The following NTM variants were observed in gnomAD, a reference collection of about 807,000 sequenced individuals.
NTM encodes neurotrimin.
Under a neutral mutation model 42.1 loss-of-function variants are expected in NTM, and 13 were observed. The observed-to-expected ratio is 0.31, with a 90% CI of 0.20 to 0.49. The LOEUF (loss-of-function observed/expected upper bound fraction) is 0.49, where lower values mean the gene tolerates loss of function less well. Ranked by LOEUF, NTM falls within the 20% of genes least tolerant of loss-of-function variation. The pLI is 0.99. For synonymous variants in NTM, 187 were observed against 179.2 expected, an observed-to-expected ratio of 1.04 and a Z score of -0.35; for missense variants, 373 against 452.8, an observed-to-expected ratio of 0.82 and a Z score of 1.60.
At chr11:132,271,493 A>G (rs894431864) in intron 4 of NTM, among the ~76,000 whole-genome samples, 23 of 152,294 alleles carry the variant, frequency 1.5e-4, no homozygotes, top group African/African-American at 5.3e-4. Flanking sequence ...AAGTTGCTGT[A>G]CCATTGTACA....
At chr11:131,763,968 G>A (rs1038996527) in intron 1 of NTM, among the ~76,000 whole-genome samples, 2 of 151,644 alleles carry the variant, frequency 1.3e-5, no homozygotes, top group African/African-American at 4.8e-5. Context: ...ATTCTGCAAC[G>A]ATTATTTCTA....
intron 1 of NTM, among the ~76,000 whole-genome samples, chr11:131,640,839 C>A (rs550905230): frequency 1.3e-5 from 2 of 152,192 alleles, no homozygotes; most frequent in African/African-American, 2.4e-5. Flanking sequence ...CTGTATCTGG[C>A]GCACAGTGTC....
intron 1 of NTM, among the ~76,000 whole-genome samples, chr11:131,533,009 T>C (rs531286392): frequency 6.6e-6 from 1 of 152,348 alleles, no homozygotes; most frequent in African/African-American, 2.4e-5. Flanking sequence ...GGTGCAGGCT[T>C]ATTTTTGTTT....
At chr11:131,654,040 T>C (rs1046675697) in intron 1 of NTM, among the ~76,000 whole-genome samples, 1 of 152,176 alleles carries the variant, frequency 6.6e-6, no homozygotes, top group Non-Finnish European at 1.5e-5. Context: ...AGTTCATTCA[T>C]TGATTAATTC....
At chr11:131,804,390 C>A (rs995867936) in intron 1 of NTM, among the ~76,000 whole-genome samples, 1 of 152,102 alleles carries the variant, frequency 6.6e-6, no homozygotes, top group Non-Finnish European at 1.5e-5. Context: ...GTTTCCTGTG[C>A]CTACTCTGGT....
At chr11:132,262,614 G>C (rs1484829609) in intron 4 of NTM, among the ~76,000 whole-genome samples, 1 of 151,932 alleles carries the variant, frequency 6.6e-6, no homozygotes, top group Non-Finnish European at 1.5e-5. Context: ...TTCCATTCAC[G>C]AGGACTCCAC....
chr11:131,881,021 T>C (rs769344306), intron 1 of NTM, among the ~76,000 whole-genome samples: 3 of 152,196 alleles, frequency 2.0e-5, no homozygotes, highest in Non-Finnish European at 4.4e-5. Flanking sequence ...TTTCTGAATG[T>C]GTGTCTTCAT....
chr11:131,588,506 A>G (rs753462492), intron 1 of NTM, among the ~76,000 whole-genome samples: 24 of 152,360 alleles, frequency 1.6e-4, no homozygotes, highest in Non-Finnish European at 2.9e-4. Context: ...GGGGATATTT[A>G]CCTTTTGCTA....
At chr11:131,923,978 G>T (rs1237128835) in intron 2 of NTM, among the ~76,000 whole-genome samples, 1 of 152,204 alleles carries the variant, frequency 6.6e-6, no homozygotes, top group Non-Finnish European at 1.5e-5. Flanking sequence ...CCAGTGTGAA[G>T]CGTGAAGTAC....
chr11:131,594,564 T>TAA lies in NTM; in HGVS notation c.82+223688_82+223689dup, dbSNP rs11411337. ...TGCAGACCACCGCGCCCAGCTAAAT[T>TAA]AAAAAAAAAAAAATTCTTGAGATGG... On this transcript the variant is annotated intron_variant, in intron 1 of 8. Coordinates refer to ENST00000683400, the MANE Select transcript of NTM (RefSeq NM_001352005.2). Among the ~76,000 whole-genome samples the TAA allele has an allele frequency of 2.5e-3, 365 of 147,898 alleles. 3 individuals carry two copies. Among genetic ancestry groups the TAA allele is most frequent in the Middle Eastern group, 0.01 (3 of 288 alleles).
At chr11:131,906,972 C>G (rs976170582) in intron 1 of NTM, among the ~76,000 whole-genome samples, 1 of 152,188 alleles carries the variant, frequency 6.6e-6, no homozygotes, top group Non-Finnish European at 1.5e-5. Context: ...GTTCCCAGCC[C>G]TTCCCTACTG....
At chr11:131,948,608 C>T (rs370074345) in intron 2 of NTM, among the ~76,000 whole-genome samples, 11 of 152,102 alleles carry the variant, frequency 7.2e-5, no homozygotes, top group Admixed American at 7.2e-4. Flanking sequence ...GCCCTTTAGC[C>T]ACAGGGCTTT....
intron 4 of NTM, among the ~76,000 whole-genome samples, chr11:132,234,564 A>G (rs1039734846): frequency 2.0e-5 from 3 of 152,202 alleles, no homozygotes; most frequent in African/African-American, 7.2e-5. Flanking sequence ...TCAATTTACT[A>G]CATTTCTTTT....
At chr11:131,497,290 GC>G (rs1955449962) in intron 1 of NTM, among the ~76,000 whole-genome samples, 1 of 152,142 alleles carries the variant, frequency 6.6e-6, no homozygotes, top group Non-Finnish European at 1.5e-5. Flanking sequence ...CCAGGTTCAA[GC>G]AATTCTCCTG....
At chr11:131,909,415 G>A (rs372213183) in intron 1 of NTM, among the ~76,000 whole-genome samples, 2 of 152,186 alleles carry the variant, frequency 1.3e-5, no homozygotes, top group Admixed American at 6.5e-5. Flanking sequence ...CTTTGATACC[G>A]GATGGCTTTT....
At chr11:132,041,074 T>C (rs978226567) in intron 2 of NTM, among the ~76,000 whole-genome samples, 2 of 152,356 alleles carry the variant, frequency 1.3e-5, no homozygotes, top group South Asian at 4.1e-4. Flanking sequence ...GAGTCTTCAA[T>C]ACCCCACATT....
intron 1 of NTM, among the ~76,000 whole-genome samples, chr11:131,392,565 C>A (rs140615842): frequency 1.3e-5 from 2 of 152,222 alleles, no homozygotes; most frequent in Non-Finnish European, 2.9e-5. Context: ...AATAAAGCCT[C>A]GCCTTGAGAA....
intron 2 of NTM, among the ~76,000 whole-genome samples, chr11:132,005,546 A>G (rs2070577290): frequency 6.6e-6 from 1 of 152,178 alleles, no homozygotes; most frequent in African/African-American, 2.4e-5. Context: ...GGATATATGA[A>G]TGATATCTCA....
rs958370615 is a variant in NTM, at chr11:131,851,977, G to A, written c.83-59587G>A. On this transcript the variant is annotated intron_variant, in intron 1 of 8. Transcript: ENST00000683400. ...AAATCAATTTGCCTGCCTGGAACCCGGGTCTGGGGTGCTTGCCATGTTGAG... is the reference window on the plus strand; with the variant it reads ...AAATCAATTTGCCTGCCTGGAACCCAGGTCTGGGGTGCTTGCCATGTTGAG... Among the ~76,000 whole-genome samples, 4 of 152,118 alleles carry A rather than the reference G, an allele frequency of 2.6e-5. No individual in the cohort carries two copies. In the East Asian group the frequency reaches 5.8e-4, roughly 22 times the overall value.
Sources: allele counts gnomAD v4.1 joint callset (sites outside exome capture counted in the v4.1 genomes callset), GRCh38; gene constraint gnomAD v4.1.1; transcripts MANE v1.5; gene names NCBI Gene and HGNC (gene_info 2026-07-23, HGNC 2026-07-21).